CCNB3: variants seen among roughly 807,000 people sequenced by gnomAD.
CCNB3 encodes G2/mitotic-specific cyclin-B3.
CCNB3 carries 12 observed loss-of-function variants against 68.0 expected under a neutral mutation model. The observed-to-expected ratio is 0.18, with a 90% CI of 0.11 to 0.29. CCNB3 has a LOEUF of 0.29. Among genes scored for constraint, CCNB3 ranks in the 10% least tolerant of loss-of-function variants. The pLI is 1.00. For synonymous variants in CCNB3, 354 were observed against 388.9 expected (o/e 0.91, Z 1.06); for missense variants, 904 against 993.1 (o/e 0.91, Z 1.21).
At chrX:50,204,659 A>G (rs1187700899), upstream of CCNB3, 2 of 80,639 alleles carry the variant, frequency 2.5e-5, no homozygotes, top group South Asian at 5.2e-4. Context: ...AAGTCTGACT[A>G]AAAAAAAAAA....
Position 50,285,270 on chromosome X carries a change from G to A in CCNB3, c.96+11G>A. 2 of 1,160,838 alleles carry A rather than the reference G, an allele frequency of 1.7e-6. No individual in the cohort carries two copies. On this transcript the variant is annotated intron_variant, in intron 3 of 12. Coordinates refer to ENST00000376042, the MANE Select transcript of CCNB3 (RefSeq NM_033031.3). ...GACCCATCTGAAAAGGTTAGAGCAA[G>A]CTGTCTTTCCCAACAATATCTTTGG... is the stretch of plus-strand genomic sequence containing the variant.
chrX:50,282,591 A>T (rs746399867), intron 1 of CCNB3, among the ~76,000 whole-genome samples: 3 of 111,103 alleles, frequency 2.7e-5, no homozygotes, highest in Non-Finnish European at 5.7e-5. Context: ...AGAAGTTGAG[A>T]GTGTTCCGCA....
intron 1 of CCNB3, among the ~76,000 whole-genome samples, chrX:50,228,317 A>AATACATATATAGAGAATATATATAC (rs1935963144): frequency 1.2e-5 from 1 of 85,081 alleles, no homozygotes; most frequent in African/African-American, 4.2e-5. Context: ...AATATATATG[A>AATACATATATAGAGAATATATATAC]ATACATATAT....
chrX:50,283,244 C>T, intron 1 of CCNB3, among the ~76,000 whole-genome samples: 1 of 111,396 alleles, frequency 9.0e-6, no homozygotes, highest in South Asian at 3.9e-4. Flanking sequence ...GCTCATTCTA[C>T]CTCCTCATAC....
intron 8 of CCNB3, among the ~76,000 whole-genome samples, chrX:50,336,145 A>G (rs1922840506): frequency 8.9e-6 from 1 of 112,185 alleles, no homozygotes; most frequent in Non-Finnish European, 1.9e-5. Context: ...CCCTTCAGCC[A>G]GATTGAACAA....
At chrX:50,296,901 G>A (rs1331094566) in intron 5 of CCNB3, among the ~76,000 whole-genome samples, 1 of 110,635 alleles carries the variant, frequency 9.0e-6, no homozygotes, top group African/African-American at 3.3e-5. Context: ...ATTTTTTCAT[G>A]TGTTTTTTGG....
intron 8 of CCNB3, among the ~76,000 whole-genome samples, chrX:50,320,315 TTTAAG>T (rs1229089777): frequency 9.0e-6 from 1 of 111,240 alleles, no homozygotes; most frequent in African/African-American, 3.3e-5. Context: ...TATAAGGTTA[TTTAAG>T]TTATCTATTT....
chrX:50,227,075 A>G (rs1295903811), intron 1 of CCNB3, among the ~76,000 whole-genome samples: 1 of 81,805 alleles, frequency 1.2e-5, no homozygotes, highest in Non-Finnish European at 2.2e-5. Flanking sequence ...ATACAAATAT[A>G]AAGAATATAT....
intron 5 of CCNB3, among the ~76,000 whole-genome samples, chrX:50,297,878 A>T (rs1936514356): frequency 9.0e-6 from 1 of 111,270 alleles, no homozygotes; most frequent in African/African-American, 3.3e-5. Flanking sequence ...TAGGTATTTT[A>T]TTCTCTTTGA....
In CCNB3 at chrX:50,285,259, G is replaced by T; in HGVS notation, c.96G>T (p.Lys32Asn). 1 of 1,189,697 alleles carries T rather than the reference G, an allele frequency of 8.4e-7. No individual in the cohort carries two copies. The highest frequency in any genetic ancestry group is 1.1e-6 in the Non-Finnish European group (1 of 875,656). The change falls in exon 3 of 13, where the codon AAG (lysine) becomes AAT (asparagine). Residue 32 changes from lysine (K) to asparagine (N), a missense_variant and splice_region_variant. Physicochemically the swap from Lys to Asn is moderately conservative, Grantham distance 94 (BLOSUM62 0). Coordinates refer to ENST00000376042, the MANE Select transcript of CCNB3 (RefSeq NM_033031.3). ...CCAGTCATCATGACCCATCTGAAAA[G>T]GTTAGAGCAAGCTGTCTTTCCCAAC... is the stretch of plus-strand genomic sequence containing the variant. ...IVPSHHDPSE[K>N]TGENCQTKIS...
At chrX:50,324,966 T>C (rs374325033) in intron 8 of CCNB3, among the ~76,000 whole-genome samples, 2 of 111,273 alleles carry the variant, frequency 1.8e-5, no homozygotes, top group East Asian at 5.6e-4. Flanking sequence ...TCATTGTGTA[T>C]TGAAAATGTG....
In CCNB3 at chrX:50,294,953, G is replaced by C. The variant is rs1380878128; in HGVS notation, c.295G>C (p.Ala99Pro). 3.3e-6 allele frequency: 4 copies of C among 1,205,676 alleles called. No individual in the cohort carries two copies. In the African/African-American group the frequency reaches 7.0e-5, roughly 21 times the overall value. ...VSKKINRNTH[A>P]LGLAKKNKRN... ...CAAGAAGATAAACAGGAACACACATGCTCTTGGACTGGCCAAAAAGAATAA... is the reference window on the plus strand; with the variant it reads ...CAAGAAGATAAACAGGAACACACATCCTCTTGGACTGGCCAAAAAGAATAA... Residue 99 changes from alanine (A) to proline (P), a missense_variant, in exon 5 of 13, where the codon GCT becomes CCT. Transcript: ENST00000376042.
At chrX:50,226,862 A>C (rs1421115375) in intron 1 of CCNB3, among the ~76,000 whole-genome samples, 1 of 71,970 alleles carries the variant, frequency 1.4e-5, no homozygotes, top group Non-Finnish European at 2.3e-5. Flanking sequence ...GAATATATAT[A>C]GAATATATAG....
At chrX:50,204,231 T>C (rs959786534), upstream of CCNB3, among the ~76,000 whole-genome samples, 1 of 111,380 alleles carries the variant, frequency 9.0e-6, no homozygotes, top group Non-Finnish European at 1.9e-5. Context: ...TGGTTAGCTA[T>C]CTGAGTGGGC....
chrX:50,279,598 A>T (rs1936056368), intron 1 of CCNB3, among the ~76,000 whole-genome samples: 1 of 88,420 alleles, frequency 1.1e-5, no homozygotes, highest in South Asian at 4.9e-4. Context: ...ATTCATATGT[A>T]AATGTATATG....
intron 3 of CCNB3, among the ~76,000 whole-genome samples, chrX:50,286,801 C>T (rs1297397027): frequency 9.0e-6 from 1 of 111,315 alleles, no homozygotes; most frequent in Non-Finnish European, 1.9e-5. Context: ...AGGCATGCGC[C>T]ACCGCGCCCA....
At chrX:50,287,333 C>T (rs1341427944) in intron 3 of CCNB3, among the ~76,000 whole-genome samples, 1 of 110,935 alleles carries the variant, frequency 9.0e-6, no homozygotes. Flanking sequence ...ATATTCATCC[C>T]CCTTCCCTTC....
At chrX:50,291,894 T>A (rs1363108419) in intron 4 of CCNB3, among the ~76,000 whole-genome samples, 1 of 111,904 alleles carries the variant, frequency 8.9e-6, no homozygotes, top group Non-Finnish European at 1.9e-5. Context: ...TATTATGATC[T>A]GATGATACAA....
At chrX:50,226,912 G>GTATATATATAGAATATATATAC (rs1935848907) in intron 1 of CCNB3, among the ~76,000 whole-genome samples, 1 of 43,691 alleles carries the variant, frequency 2.3e-5, no homozygotes, top group African/African-American at 1.3e-4. Context: ...AGAATATATA[G>GTATATATATAGAATATATATAC]TATATATATA....
Sources: gnomAD v4.1 joint callset for allele counts (sites outside exome capture counted in the v4.1 genomes callset) on GRCh38, gnomAD v4.1.1 for gene constraint, MANE v1.5 for transcripts, NCBI Gene and HGNC (gene_info 2026-07-23, HGNC 2026-07-21) for gene names.